CENPP: variants seen among roughly 807,000 people sequenced by gnomAD.
The protein encoded by CENPP is centromere protein P.
A neutral mutation model predicts 35.6 loss-of-function variants in CENPP; 24 were observed. The observed-to-expected ratio is 0.67, with a 90% CI of 0.49 to 0.95. The LOEUF (loss-of-function observed/expected upper bound fraction) is 0.95. Among genes scored for constraint, CENPP ranks in the 40% least tolerant of loss-of-function variants. CENPP has a pLI of 0.00. For missense variants in CENPP, 332 were observed against 345.3 expected, an observed-to-expected ratio of 0.96 and a Z score of 0.31; for synonymous variants, 120 against 125.5, an observed-to-expected ratio of 0.96 and a Z score of 0.29.
intron 5 of CENPP, chr9:92,496,456 A>T: frequency 6.2e-7 from 1 of 1,609,066 alleles, no homozygotes; most frequent in Non-Finnish European, 8.5e-7. Flanking sequence ...CCTCTTCAGC[A>T]TTGCAAATTT....
chr9:92,537,952 T>C (rs1849228143), intron 5 of CENPP, among the ~76,000 whole-genome samples: 1 of 152,192 alleles, frequency 6.6e-6, no homozygotes, highest in Non-Finnish European at 1.5e-5. Flanking sequence ...TTGAAATACA[T>C]ACATTGTTTT....
chr9:92,337,657 A>G (rs773150495), intron 3 of CENPP, 28 bp downstream of exon 3: 1 of 1,316,584 alleles, frequency 7.6e-7, no homozygotes. Context: ...TTGTGATAAC[A>G]GAGATACTTC....
At chr9:92,352,505 G>GTATATATATATATATATATATATATA (rs1554753078) in intron 4 of CENPP, among the ~76,000 whole-genome samples, 1 of 49,792 alleles carries the variant, frequency 2.0e-5, no homozygotes, top group Non-Finnish European at 3.3e-5. Context: ...GTGTGTGTGT[G>GTATATATATATATATATATATATATA]TATACATATA....
chr9:92,349,321 A>G (rs1037458135), intron 4 of CENPP, among the ~76,000 whole-genome samples: 25 of 151,202 alleles, frequency 1.7e-4, no homozygotes, highest in African/African-American at 5.8e-4. Context: ...AATGTACCAT[A>G]GTTTGTTTAT....
chr9:92,525,633 A>G (rs911410718), intron 5 of CENPP, among the ~76,000 whole-genome samples: 7 of 152,108 alleles, frequency 4.6e-5, no homozygotes, highest in African/African-American at 1.7e-4. Flanking sequence ...GCTCAAGCCT[A>G]TAATCCCAGC....
chr9:92,588,409 G>A (rs772995451), intron 5 of CENPP, among the ~76,000 whole-genome samples: 11 of 151,166 alleles, frequency 7.3e-5, no homozygotes, highest in Non-Finnish European at 1.5e-4. Context: ...CACCACACCC[G>A]GCTAATTTTT....
At chr9:92,433,668 C>T (rs796587493) in intron 5 of CENPP, among the ~76,000 whole-genome samples, 7 of 152,180 alleles carry the variant, frequency 4.6e-5, no homozygotes, top group South Asian at 2.1e-4. Flanking sequence ...TGATAGCTCA[C>T]GGCCTATAAT....
intron 4 of CENPP, among the ~76,000 whole-genome samples, chr9:92,350,414 C>T (rs1043488296): frequency 6.6e-6 from 1 of 152,124 alleles, no homozygotes; most frequent in Non-Finnish European, 1.5e-5. Context: ...AGTACAGTAT[C>T]CTTTATGAAG....
At chr9:92,454,339 A>G (rs1844808793) in intron 5 of CENPP, among the ~76,000 whole-genome samples, 1 of 152,186 alleles carries the variant, frequency 6.6e-6, no homozygotes, top group Non-Finnish European at 1.5e-5. Flanking sequence ...TTGTAAAAAG[A>G]TTAACTTGGC....
chr9:92,495,242 A>G lies in CENPP; in HGVS notation c.564+115383A>G, dbSNP rs922445357. The G allele has an allele frequency of 2.7e-5, 18 of 659,932 alleles. No homozygotes were observed. The Admixed American group carries it at 3.2e-4, about 12-fold the overall frequency. The allele number at this position is 659,932 out of a possible 1,614,324, so 40.9% of individuals were successfully genotyped here. On this transcript the variant is annotated intron_variant, in intron 5 of 7. Coordinates refer to ENST00000375587, the MANE Select transcript of CENPP (RefSeq NM_001012267.3). ...TTCCTAGCCAAGACATAAAACTGAG[A>G]GTAACAAAAGAAGTCAACATAGTTT... is the stretch of plus-strand genomic sequence containing the variant.
At chr9:92,492,762 G>A (rs1358205487) in intron 5 of CENPP, among the ~76,000 whole-genome samples, 1 of 152,166 alleles carries the variant, frequency 6.6e-6, no homozygotes, top group African/African-American at 2.4e-5. Context: ...AGCAGGAGGA[G>A]CACCAGCCTC....
intron 5 of CENPP, among the ~76,000 whole-genome samples, chr9:92,498,292 T>A (rs1846473507): frequency 6.6e-6 from 1 of 152,044 alleles, no homozygotes; most frequent in Non-Finnish European, 1.5e-5. Flanking sequence ...ATATAGTGTA[T>A]AAAAGACAAT....
chr9:92,455,462 G>A (rs1303319984), intron 5 of CENPP, among the ~76,000 whole-genome samples: 1 of 152,186 alleles, frequency 6.6e-6, no homozygotes, highest in East Asian at 1.9e-4. Flanking sequence ...CTAGTGTGTA[G>A]AGACCAGGGT....
chr9:92,579,269 G>T (rs1850360299), intron 5 of CENPP, among the ~76,000 whole-genome samples: 1 of 149,846 alleles, frequency 6.7e-6, no homozygotes, highest in Non-Finnish European at 1.5e-5. Context: ...GCTTAGGATT[G>T]ACTTGGCGAT....
intron 5 of CENPP, among the ~76,000 whole-genome samples, chr9:92,388,145 T>A (rs1240617233): frequency 6.6e-6 from 1 of 152,012 alleles, no homozygotes; most frequent in Non-Finnish European, 1.5e-5. Context: ...AATGTTCTTT[T>A]TGTGAAATGT....
At chr9:92,590,801 A>T (rs954420831) in intron 5 of CENPP, among the ~76,000 whole-genome samples, 9 of 152,192 alleles carry the variant, frequency 5.9e-5, no homozygotes, top group Non-Finnish European at 1.2e-4. Context: ...GATAAATAGA[A>T]AGCTCACAAA....
At chr9:92,437,495 T>G (rs2130997111) in intron 5 of CENPP, among the ~76,000 whole-genome samples, 2 of 150,060 alleles carry the variant, frequency 1.3e-5, no homozygotes, top group Middle Eastern at 7.4e-3. Context: ...CTGAAGCTTC[T>G]GCCTCCTGGG....
At chr9:92,441,257 T>C (rs1844380119) in intron 5 of CENPP, among the ~76,000 whole-genome samples, 1 of 152,152 alleles carries the variant, frequency 6.6e-6, no homozygotes, top group Non-Finnish European at 1.5e-5. Context: ...CAATAGAAAG[T>C]TTATAAGAAG....
rs186803363 is a variant in CENPP at position 92,611,274 on chromosome 9, C to A, written c.565-40C>A. 135 of 1,544,060 alleles carry A rather than the reference C, an allele frequency of 8.7e-5. No homozygotes were observed. In the African/African-American group the frequency reaches 1.0e-3, roughly 12 times the overall value. ...GCCCCTCCCATGGCCCCTTTCTCCC[C>A]ACCAGTGGATCTGTCTACCCGTTTC... On this transcript the variant is annotated intron_variant, in intron 5 of 7. Transcript: ENST00000375587.
Sources: gnomAD v4.1 joint callset for allele counts (sites outside exome capture counted in the v4.1 genomes callset) on GRCh38, gnomAD v4.1.1 for gene constraint, MANE v1.5 for transcripts, NCBI Gene and HGNC (gene_info 2026-07-23, HGNC 2026-07-21) for gene names.